Variants in CSMD1 observed in about 807,000 individuals in gnomAD.
CSMD1 encodes CUB and Sushi multiple domains 1, also known as CUB and sushi domain-containing protein 1.
CSMD1 carries 213 observed loss-of-function variants against 417.5 expected under a neutral mutation model. The ratio of observed to expected loss-of-function variants is 0.51; its 90% CI spans 0.46 to 0.57. The LOEUF (loss-of-function observed/expected upper bound fraction) is 0.57. Among genes scored for constraint, CSMD1 ranks in the 20% least tolerant of loss-of-function variants. The pLI, the probability that CSMD1 is intolerant of heterozygous loss-of-function variation, is 0.00. For synonymous variants in CSMD1, 2,862 were observed against 1,736.8 expected (o/e 1.65, Z -16.11); for missense variants, 6,923 against 4,529.7 (o/e 1.53, Z -15.17).
intron 5 of CSMD1, among the ~76,000 whole-genome samples, chr8:3,803,222 T>G (rs1800553783): frequency 6.6e-6 from 1 of 152,190 alleles, no homozygotes; most frequent in South Asian, 2.1e-4. Flanking sequence ...ATGACTTGTG[T>G]GCCAACCCCC....
intron 8 of CSMD1, among the ~76,000 whole-genome samples, chr8:3,596,174 G>T (rs920981938): frequency 2.6e-5 from 4 of 152,176 alleles, no homozygotes; most frequent in African/African-American, 9.7e-5. Context: ...AGAGACATGG[G>T]AGAAGGAAGC....
chr8:3,496,570 C>T (rs1180735288), intron 10 of CSMD1, among the ~76,000 whole-genome samples: 2 of 152,104 alleles, frequency 1.3e-5, no homozygotes, highest in Non-Finnish European at 2.9e-5. Flanking sequence ...TTTCTATTTT[C>T]ATTTCCCAGC....
At chr8:4,244,685 C>G (rs1802597425) in intron 3 of CSMD1, among the ~76,000 whole-genome samples, 1 of 152,042 alleles carries the variant, frequency 6.6e-6, no homozygotes, top group Non-Finnish European at 1.5e-5. Context: ...GTGTTATTTT[C>G]ACACATCATT....
intron 7 of CSMD1, among the ~76,000 whole-genome samples, chr8:3,690,527 T>C (rs529005996): frequency 8.5e-5 from 13 of 152,338 alleles, no homozygotes; most frequent in Admixed American, 1.3e-4. Flanking sequence ...CCAAATAGAC[T>C]GTTAGTCATC....
intron 1 of CSMD1, among the ~76,000 whole-genome samples, chr8:4,884,553 T>G (rs1027641973): frequency 3.3e-5 from 5 of 152,094 alleles, no homozygotes; most frequent in Admixed American, 2.0e-4. Flanking sequence ...TTTTGTATAT[T>G]GAGATGGATT....
chr8:3,327,741 CTTAGT>C (rs974709600), intron 23 of CSMD1, among the ~76,000 whole-genome samples: 2 of 152,142 alleles, frequency 1.3e-5, no homozygotes, highest in Non-Finnish European at 2.9e-5. Flanking sequence ...GATTTAAGTG[CTTAGT>C]TTATTTTTTA....
chr8:3,494,864 C>A (rs987373616), intron 10 of CSMD1, among the ~76,000 whole-genome samples: 4 of 152,048 alleles, frequency 2.6e-5, no homozygotes, highest in South Asian at 4.1e-4. Flanking sequence ...GTATCAAATG[C>A]CTGTTTGTTA....
chr8:3,468,897 C>G (rs1173687825), intron 11 of CSMD1, 73 bp from the exon 12 acceptor site: 1 of 1,001,144 alleles, frequency 1.0e-6, no homozygotes, highest in East Asian at 2.6e-5. Context: ...AAAGGAGGGT[C>G]TTGCTGCTTT....
chr8:3,790,551 A>G (rs1799679018), intron 5 of CSMD1, among the ~76,000 whole-genome samples: 1 of 152,244 alleles, frequency 6.6e-6, no homozygotes, highest in Admixed American at 6.5e-5. Context: ...ACAGAAACTT[A>G]GACAACTAGG....
chr8:2,969,599 T>A (rs2128930905), intron 57 of CSMD1, among the ~76,000 whole-genome samples: 1 of 152,294 alleles, frequency 6.6e-6, no homozygotes, highest in African/African-American at 2.4e-5. Flanking sequence ...TTAGAGGAAA[T>A]AATTTCATCA....
intron 1 of CSMD1, among the ~76,000 whole-genome samples, chr8:4,880,510 C>T (rs1294955396): frequency 2.6e-5 from 4 of 152,022 alleles, no homozygotes; most frequent in Non-Finnish European, 5.9e-5. Flanking sequence ...CATACAGAAC[C>T]ACTCCCTTTA....
chr8:3,570,441 T>C (rs963387601), intron 10 of CSMD1, among the ~76,000 whole-genome samples: 2 of 152,284 alleles, frequency 1.3e-5, no homozygotes, highest in Admixed American at 6.5e-5. Context: ...CTAGGAAATA[T>C]GTCTTCCATC....
intron 3 of CSMD1, among the ~76,000 whole-genome samples, chr8:4,410,767 A>T (rs1383900025): frequency 3.3e-5 from 5 of 152,304 alleles, no homozygotes; most frequent in African/African-American, 1.2e-4. Flanking sequence ...AAGAAATGAA[A>T]GTATAACAAC....
At chr8:4,282,957 A>T (rs1251203726) in intron 3 of CSMD1, among the ~76,000 whole-genome samples, 4 of 152,134 alleles carry the variant, frequency 2.6e-5, no homozygotes, top group African/African-American at 7.2e-5. Context: ...TACACTTTTC[A>T]GTCTCATATA....
intron 4 of CSMD1, among the ~76,000 whole-genome samples, chr8:4,012,621 C>G (rs1338440526): frequency 6.6e-6 from 1 of 152,006 alleles, no homozygotes; most frequent in Admixed American, 6.6e-5. Flanking sequence ...ATCTGTATGT[C>G]TACAGTTTTC....
At chr8:4,329,661 T>A (rs1799758613) in intron 3 of CSMD1, among the ~76,000 whole-genome samples, 1 of 152,060 alleles carries the variant, frequency 6.6e-6, no homozygotes, top group Non-Finnish European at 1.5e-5. Flanking sequence ...TGGATCTGTA[T>A]CCCCACCCAA....
chr8:4,234,255 G>C (rs1316786831), intron 3 of CSMD1, among the ~76,000 whole-genome samples: 3 of 152,158 alleles, frequency 2.0e-5, no homozygotes, highest in African/African-American at 4.8e-5. Flanking sequence ...AGGAGGTTGT[G>C]AATGAACAAG....
intron 54 of CSMD1, among the ~76,000 whole-genome samples, chr8:2,986,597 C>T (rs932869929): frequency 4.6e-5 from 7 of 152,200 alleles, no homozygotes; most frequent in Middle Eastern, 6.8e-3. Flanking sequence ...CTACACCTCC[C>T]GGGTTCACAC....
At chr8:3,544,580 G>A (rs1229007376) in intron 10 of CSMD1, among the ~76,000 whole-genome samples, 1 of 151,944 alleles carries the variant, frequency 6.6e-6, no homozygotes, top group African/African-American at 2.4e-5. Flanking sequence ...CCTCTCTTAG[G>A]GTCTGGATTG....
Sources: allele counts gnomAD v4.1 joint callset (sites outside exome capture counted in the v4.1 genomes callset), GRCh38; gene constraint gnomAD v4.1.1; transcripts MANE v1.5; gene names NCBI Gene and HGNC (gene_info 2026-07-23, HGNC 2026-07-21).